CALN1: variants seen among roughly 807,000 people sequenced by gnomAD.
The protein encoded by CALN1 is calneuron 1.
Under a neutral mutation model 30.6 loss-of-function variants are expected in CALN1, and 17 were observed. The observed-to-expected ratio is 0.56, with a 90% CI of 0.38 to 0.83. CALN1 has a LOEUF of 0.83. CALN1 is among the 40% of genes least tolerant of loss of function. The pLI, the probability that CALN1 is intolerant of heterozygous loss-of-function variation, is 0.00. For synonymous variants in CALN1, 156 were observed against 131.4 expected, an observed-to-expected ratio of 1.19 and a Z score of -1.28; for missense variants, 291 against 354.9, an observed-to-expected ratio of 0.82 and a Z score of 1.45.
At chr7:71,795,807 C>A (rs574405677) in intron 6 of CALN1, among the ~76,000 whole-genome samples, 1 of 136,750 alleles carries the variant, frequency 7.3e-6, no homozygotes, top group African/African-American at 3.0e-5. Context: ...TTTACCAGTA[C>A]TTCATTCTTT....
chr7:72,208,959 C>T (rs1235113423), intron 3 of CALN1, among the ~76,000 whole-genome samples: 1 of 151,822 alleles, frequency 6.6e-6, no homozygotes, highest in African/African-American at 2.4e-5. Flanking sequence ...TTCTTCCTCC[C>T]TCCCTCCCTT....
chr7:71,898,227 G>A (rs1208845882), intron 5 of CALN1, among the ~76,000 whole-genome samples: 1 of 152,194 alleles, frequency 6.6e-6, no homozygotes, highest in East Asian at 1.9e-4. Context: ...CTACTCAGGA[G>A]CCTGAGACAG....
chr7:72,141,863 C>T (rs1056016066), intron 3 of CALN1, among the ~76,000 whole-genome samples: 5 of 152,104 alleles, frequency 3.3e-5, no homozygotes, highest in Admixed American at 6.5e-5. Flanking sequence ...GTCACTGTGC[C>T]GGGCCAACAT....
chr7:71,862,852 A>G (rs1032205040), intron 5 of CALN1, among the ~76,000 whole-genome samples: 2 of 152,194 alleles, frequency 1.3e-5, no homozygotes, highest in African/African-American at 2.4e-5. Flanking sequence ...TTCAGGAGAC[A>G]GGGCGCCCTC....
At chr7:72,295,899 T>C (rs1438646717) in intron 2 of CALN1, among the ~76,000 whole-genome samples, 1 of 151,776 alleles carries the variant, frequency 6.6e-6, no homozygotes, top group Non-Finnish European at 1.5e-5. Context: ...TCCAACACTA[T>C]GTTGAATAGG....
chr7:72,153,457 C>G (rs1381725981), intron 3 of CALN1, among the ~76,000 whole-genome samples: 1 of 151,476 alleles, frequency 6.6e-6, no homozygotes. Flanking sequence ...GGTGGGAGGA[C>G]TGCTTGAGGC....
rs544742857 is a variant in CALN1 at position 72,277,172 on chromosome 7, C to A, written c.244+1514G>T. Among the ~76,000 whole-genome samples the A allele has an allele frequency of 8.5e-5, 13 of 152,232 alleles. 1 individual carries two copies. The South Asian group carries it at 2.3e-3, about 27-fold the overall frequency. ...CCCCAGACATCAAATCTGCTGGCAT[C>A]TTTATCTTAGACTTCCAAGCCTCCC... On this transcript the variant is annotated intron_variant, in intron 3 of 6. Coordinates refer to ENST00000395275, the MANE Select transcript of CALN1 (RefSeq NM_031468.4).
intron 5 of CALN1, among the ~76,000 whole-genome samples, chr7:71,961,474 C>G (rs974299079): frequency 6.6e-6 from 1 of 152,194 alleles, no homozygotes; most frequent in East Asian, 1.9e-4. Context: ...CCAGTAATTA[C>G]CAATCTCTTT....
chr7:72,371,200 T>C (rs1246699805), intron 2 of CALN1, among the ~76,000 whole-genome samples: 1 of 152,230 alleles, frequency 6.6e-6, no homozygotes. Context: ...TTCCAGAATT[T>C]TTATGATATC....
chr7:72,343,062 G>A (rs36104871), intron 2 of CALN1, among the ~76,000 whole-genome samples: 1 of 152,118 alleles, frequency 6.6e-6, no homozygotes, highest in Non-Finnish European at 1.5e-5. Context: ...GAGTGCTGCT[G>A]TAACAATAAC....
At chr7:72,274,678 G>C (rs537186181) in intron 3 of CALN1, among the ~76,000 whole-genome samples, 2 of 152,244 alleles carry the variant, frequency 1.3e-5, no homozygotes, top group South Asian at 4.1e-4. Context: ...ATAGACGTAA[G>C]CTCCTTGGAA....
chr7:71,956,152 T>A (rs544555239), intron 5 of CALN1, among the ~76,000 whole-genome samples: 13 of 152,192 alleles, frequency 8.5e-5, no homozygotes, highest in East Asian at 3.9e-4. Flanking sequence ...CATGTCCAGC[T>A]AATTTTTGTA....
In CALN1 at chr7:71,780,564, G is replaced by A. The variant is rs1001140549; in HGVS notation, c.*7211C>T. Reference sequence around the variant, plus strand: ...ATTAGCCATTTAAAGGGCTGTCGCAGGTAGCCGGTCCCCCGCGACTGTTAA... The same window carrying A: ...ATTAGCCATTTAAAGGGCTGTCGCAAGTAGCCGGTCCCCCGCGACTGTTAA... On this transcript the variant is annotated 3_prime_UTR_variant, in exon 7 of 7. Transcript: ENST00000395275. 1 of 152,018 alleles carries A rather than the reference G, an allele frequency of 6.6e-6. No homozygotes were observed. Among genetic ancestry groups the A allele is most frequent in the African/African-American group, 2.4e-5 (1 of 41,378 alleles). The allele number at this position is 152,018 out of a possible 1,614,324, so 9.4% of individuals were successfully genotyped here.
intron 4 of CALN1, among the ~76,000 whole-genome samples, chr7:72,102,446 C>T (rs767058780): frequency 2.6e-5 from 4 of 151,924 alleles, no homozygotes; most frequent in Non-Finnish European, 4.4e-5. Flanking sequence ...GAGACTCTGT[C>T]GCAAATTTTA....
chr7:71,917,931 T>C (rs1046403256), intron 5 of CALN1, among the ~76,000 whole-genome samples: 2 of 152,196 alleles, frequency 1.3e-5, no homozygotes, highest in Admixed American at 6.5e-5. Context: ...TCAGTGAAAC[T>C]GGAAAAAGAA....
chr7:72,061,191 C>T (rs557099338), intron 4 of CALN1, among the ~76,000 whole-genome samples: 1 of 152,134 alleles, frequency 6.6e-6, no homozygotes, highest in African/African-American at 2.4e-5. Flanking sequence ...AAAGAAGAGC[C>T]GGGATCTCAT....
intron 1 of CALN1, among the ~76,000 whole-genome samples, chr7:72,428,171 C>G (rs918255918): frequency 6.6e-6 from 1 of 152,220 alleles, no homozygotes; most frequent in African/African-American, 2.4e-5. Context: ...TATCTGTTCA[C>G]TTACTTACTT....
At chr7:72,239,824 C>A (rs746528470) in intron 3 of CALN1, among the ~76,000 whole-genome samples, 2 of 152,144 alleles carry the variant, frequency 1.3e-5, no homozygotes, top group African/African-American at 4.8e-5. Flanking sequence ...TGCACAGCTT[C>A]GACTGTGCAT....
Position 72,355,770 on chromosome 7 carries a change from C to T in CALN1, c.119+47481G>A, listed in dbSNP as rs1339348412. Among the ~76,000 whole-genome samples the T allele has an allele frequency of 2.6e-5, 4 of 152,036 alleles. No individual in the cohort carries two copies. In the East Asian group the frequency reaches 5.8e-4, roughly 22 times the overall value. ...GTGACAGAAATTAAATGGGTGGATT[C>T]CTGGGGCTGAGTGGTTGACTCCATC... On this transcript the variant is annotated intron_variant, in intron 2 of 6. Transcript: ENST00000395275.
Sources: allele counts gnomAD v4.1 joint callset (sites outside exome capture counted in the v4.1 genomes callset), GRCh38; gene constraint gnomAD v4.1.1; transcripts MANE v1.5; gene names NCBI Gene and HGNC (gene_info 2026-07-23, HGNC 2026-07-21).